The following C2orf80 variants were observed in gnomAD, a reference collection of about 807,000 sequenced individuals.
C2orf80 encodes chromosome 2 open reading frame 80, also known as uncharacterized protein C2orf80.
C2orf80 carries 28 observed loss-of-function variants against 30.2 expected under a neutral mutation model. The ratio of observed to expected loss-of-function variants is 0.93; its 90% confidence interval spans 0.69 to 1.27. The LOEUF (loss-of-function observed/expected upper bound fraction) is 1.27. Among genes scored for constraint, C2orf80 ranks in the 50% most tolerant of loss-of-function variants. The probability of loss-of-function intolerance (pLI) is 0.00; values close to 1 mark genes in which losing one functional copy is unlikely to be tolerated. For missense variants in C2orf80, 220 were observed against 231.0 expected, an observed-to-expected ratio of 0.95 and a Z score of 0.31; for synonymous variants, 80 against 76.4, an observed-to-expected ratio of 1.05 and a Z score of -0.24.
intron 4 of C2orf80, among the ~76,000 whole-genome samples, chr2:208,182,689 C>T (rs1696595462): frequency 6.6e-6 from 1 of 152,220 alleles, no homozygotes; most frequent in Non-Finnish European, 1.5e-5. Flanking sequence ...GCCTGAGCCA[C>T]CGCGCCCGGC....
At chr2:208,178,811 G>A (rs1205627943) in intron 6 of C2orf80, among the ~76,000 whole-genome samples, 4 of 152,054 alleles carry the variant, frequency 2.6e-5, no homozygotes, top group East Asian at 1.9e-4. Flanking sequence ...AGGCTGGAGT[G>A]CAGTGGCATG....
rs148492835 is a variant in C2orf80 at position 208,181,573 on chromosome 2, G to T, written c.207-268C>A. Among the ~76,000 whole-genome samples, 636 of 152,228 alleles carry T rather than the reference G, an allele frequency of 4.2e-3. 5 individuals are homozygous for T. The highest frequency in any genetic ancestry group is 0.014 in the African/African-American group (591 of 41,528). On this transcript the variant is annotated intron_variant, in intron 4 of 8. Transcript: ENST00000341287. Reference sequence around the variant, plus strand: ...CAGACTGGCCACTGTGGTGGATGTTGATGGTTTTGCAAACCATTATCCTTT... The same window carrying T: ...CAGACTGGCCACTGTGGTGGATGTTTATGGTTTTGCAAACCATTATCCTTT...
intron 8 of C2orf80, chr2:208,168,275 G>A (rs1169409870): frequency 2.2e-5 from 5 of 229,364 alleles, no homozygotes; most frequent in African/African-American, 4.8e-5. Context: ...GTGAAGAAGA[G>A]GGAGTTCTTT....
intron 1 of C2orf80, among the ~76,000 whole-genome samples, chr2:208,188,085 CGTGTGTGTGT>C (rs139478315): frequency 0.03 from 4,309 of 144,196 alleles, 156 homozygotes; most frequent in African/African-American, 0.087. Flanking sequence ...TATACTGCAC[CGTGTGTGTGT>C]GTGTGTGTGT....
Position 208,179,397 on chromosome 2 carries a change from G to C in C2orf80, c.366+1348C>G, listed in dbSNP as rs561489715. Among the ~76,000 whole-genome samples, 7 of 152,334 alleles carry C rather than the reference G, an allele frequency of 4.6e-5. No individual in the cohort carries two copies. The South Asian group carries it at 1.4e-3, about 32-fold the overall frequency. ...TGCAGTAAAAGAATAAGGGAGGCAG[G>C]CATTCCTGTGGCCACAGCCTTGCCC... On this transcript the variant is annotated intron_variant, in intron 6 of 8. Transcript: ENST00000341287.
intron 1 of C2orf80, among the ~76,000 whole-genome samples, chr2:208,189,110 A>C (rs1332982999): frequency 1.3e-5 from 2 of 152,194 alleles, no homozygotes; most frequent in African/African-American, 4.8e-5. Context: ...GCATGCATTA[A>C]AATTCTTCTG....
intron 1 of C2orf80, among the ~76,000 whole-genome samples, chr2:208,188,520 A>C (rs1193389285): frequency 2.7e-5 from 4 of 150,654 alleles, no homozygotes; most frequent in African/African-American, 9.8e-5. Flanking sequence ...ATTTCGGTTC[A>C]CTGCAACCTC....
chr2:208,184,430 A>G (rs573583637), intron 3 of C2orf80, among the ~76,000 whole-genome samples: 1 of 152,272 alleles, frequency 6.6e-6, no homozygotes, highest in South Asian at 2.1e-4. Context: ...GTGTAAGGAT[A>G]GTAAATGGGC....
chr2:208,177,472 C>T (rs1246239373), intron 6 of C2orf80, among the ~76,000 whole-genome samples: 2 of 151,950 alleles, frequency 1.3e-5, no homozygotes, highest in African/African-American at 2.4e-5. Context: ...ACCCGGGAGG[C>T]GTAGGTTGCA....
intron 6 of C2orf80, among the ~76,000 whole-genome samples, chr2:208,176,955 G>A (rs868783290): frequency 1.6e-5 from 1 of 64,100 alleles, no homozygotes; most frequent in Non-Finnish European, 3.9e-5. Context: ...ATACATATCT[G>A]TATACATATG....
rs761654324 is a variant in C2orf80 at position 208,183,051 on chromosome 2, G to A, written c.124-4C>T. On this transcript the variant is annotated splice_region_variant and splice_polypyrimidine_tract_variant and intron_variant, in intron 3 of 8. Transcript: ENST00000341287. Reference sequence around the variant, plus strand: ...TGATGGCCAAGTCATAGTGTGCCTGGGAGCAGGAAGCACAGAGAGCAAAGA... The same window carrying A: ...TGATGGCCAAGTCATAGTGTGCCTGAGAGCAGGAAGCACAGAGAGCAAAGA... 5 of 1,613,288 alleles carry A rather than the reference G, an allele frequency of 3.1e-6. No homozygotes were observed. The East Asian group carries it at 1.1e-4, about 36-fold the overall frequency.
rs773871077 is a variant in C2orf80, at chr2:208,176,433, C to T, written c.366+4312G>A. ...TCAAGTGATCCGCCCGCCTCGGCCT[C>T]CCAAAGTGCTGGGATTACTGGCGTG... On this transcript the variant is annotated intron_variant, in intron 6 of 8. Coordinates refer to ENST00000341287, the MANE Select transcript of C2orf80 (RefSeq NM_001099334.3). Among the ~76,000 whole-genome samples, 121 of 152,220 alleles carry T rather than the reference C, an allele frequency of 7.9e-4. 1 individual carries two copies. Among genetic ancestry groups the T allele is most frequent in the Non-Finnish European group, 1.2e-3 (84 of 68,034 alleles).
At chr2:208,175,528 C>T (rs1351681094) in intron 6 of C2orf80, among the ~76,000 whole-genome samples, 1 of 152,102 alleles carries the variant, frequency 6.6e-6, no homozygotes, top group Non-Finnish European at 1.5e-5. Context: ...AGCACATAAT[C>T]CCGGAGAAAG....
At chr2:208,188,267 G>A (rs80351950) in intron 1 of C2orf80, among the ~76,000 whole-genome samples, 9,838 of 152,082 alleles carry the variant, frequency 0.065, 437 homozygotes, top group Middle Eastern at 0.13. Flanking sequence ...AAAATTGTAC[G>A]TATATTTAAA....
At chr2:208,187,238 T>TGACACCTTTTATTC (rs1696744848) in intron 1 of C2orf80, among the ~76,000 whole-genome samples, 177 bp from the exon 2 acceptor site, 1 of 152,240 alleles carries the variant, frequency 6.6e-6, no homozygotes, top group Non-Finnish European at 1.5e-5. Context: ...TGTGTTTATT[T>TGACACCTTTTATTC]GACACCTTTT....
chr2:208,176,729 A>G (rs1696309874), intron 6 of C2orf80, among the ~76,000 whole-genome samples: 1 of 151,816 alleles, frequency 6.6e-6, no homozygotes, highest in African/African-American at 2.4e-5. Context: ...AGAATTACAG[A>G]GGTTAGAACA....
At chr2:208,182,813 T>C (rs778366978) in intron 4 of C2orf80, 152 bp downstream of exon 4, 2 of 707,296 alleles carry the variant, frequency 2.8e-6, no homozygotes, top group Non-Finnish European at 5.1e-6. Context: ...ACTGTTCAGG[T>C]TCCTCAGGTG....
chr2:208,181,317 T>A lies in C2orf80; in HGVS notation c.207-12A>T. The A allele has an allele frequency of 6.5e-7, 1 of 1,533,818 alleles. No homozygotes were observed. The highest frequency in any genetic ancestry group is 1.1e-5 in the South Asian group (1 of 89,338). The stretch of plus-strand genomic sequence containing the variant: ...GGAGTGGTATTTTCCTAATGGGGAA[T>A]AGGAAATACAAGTGGAAGATTTATT... On this transcript the variant is annotated splice_polypyrimidine_tract_variant and intron_variant, in intron 4 of 8. Transcript: ENST00000341287.
At chr2:208,180,319 T>C (rs1696512777) in intron 6 of C2orf80, among the ~76,000 whole-genome samples, 1 of 151,662 alleles carries the variant, frequency 6.6e-6, no homozygotes, top group Non-Finnish European at 1.5e-5. Context: ...GGTGTGGTGG[T>C]GCATGCCTGT....
Sources: allele counts gnomAD v4.1 joint callset (sites outside exome capture counted in the v4.1 genomes callset), GRCh38; gene constraint gnomAD v4.1.1; transcripts MANE v1.5; gene names NCBI Gene and HGNC (gene_info 2026-07-23, HGNC 2026-07-21).